PDE11A: variants seen among roughly 807,000 people sequenced by gnomAD.
PDE11A encodes the protein dual 3',5'-cyclic-AMP and -GMP phosphodiesterase 11A.
PDE11A carries 100 observed loss-of-function variants against 100.5 expected under a neutral mutation model. The ratio of observed to expected loss-of-function variants is 1.00; its 90% confidence interval spans 0.85 to 1.18. The LOEUF (loss-of-function observed/expected upper bound fraction) is 1.18, where lower values mean the gene tolerates loss of function less well. Among genes scored for constraint, PDE11A ranks in the 50% most tolerant of loss-of-function variants. The pLI is 0.00. For missense variants in PDE11A, 1,141 were observed against 1,152.6 expected (o/e 0.99, Z 0.15); for synonymous variants, 381 against 420.8 (o/e 0.91, Z 1.16).
chr2:178,030,236 A>G (rs2086528218), intron 1 of PDE11A, among the ~76,000 whole-genome samples: 1 of 152,224 alleles, frequency 6.6e-6, no homozygotes, highest in African/African-American at 2.4e-5. Flanking sequence ...TGCTACAAAG[A>G]TTAAACAAAT....
chr2:177,959,054 T>C (rs532909529), intron 2 of PDE11A, among the ~76,000 whole-genome samples: 1 of 152,254 alleles, frequency 6.6e-6, no homozygotes, highest in South Asian at 2.1e-4. Context: ...ACTACGCTGC[T>C]ATAAGAAAAG....
chr2:177,917,879 A>G (rs1324695308), intron 2 of PDE11A, among the ~76,000 whole-genome samples: 2 of 152,216 alleles, frequency 1.3e-5, no homozygotes, highest in African/African-American at 4.8e-5. Flanking sequence ...TTCCAGTAAT[A>G]TTCTCCAGTG....
At chr2:177,663,009 T>C (rs993021567) in intron 19 of PDE11A, among the ~76,000 whole-genome samples, 1 of 152,220 alleles carries the variant, frequency 6.6e-6, no homozygotes, top group Non-Finnish European at 1.5e-5. Flanking sequence ...TTTCCCTGCA[T>C]GTTTCTCACT....
intron 19 of PDE11A, among the ~76,000 whole-genome samples, chr2:177,636,369 A>C (rs1487911773): frequency 1.3e-5 from 2 of 152,168 alleles, no homozygotes; most frequent in African/African-American, 4.8e-5. Context: ...TCTCTGAAAG[A>C]AACTCCCCAA....
rs555027305 is a variant in PDE11A, at chr2:177,628,094, T to G, written c.*1313A>C. On this transcript the variant is annotated 3_prime_UTR_variant, in exon 20 of 20. Coordinates refer to ENST00000286063, the MANE Select transcript of PDE11A (RefSeq NM_016953.4). ...TTTTTGACGTTTTATATGTTGGGGA[T>G]TCATTGAAAGATTTATTTGAACAAA... 1 of 152,496 alleles carries G rather than the reference T, an allele frequency of 6.6e-6. No homozygotes were observed. Among genetic ancestry groups the G allele is most frequent in the African/African-American group, 2.4e-5 (1 of 41,576 alleles). The allele number at this position is 152,496 out of a possible 1,614,324, so 9.4% of individuals were successfully genotyped here.
chr2:177,776,447 C>A (rs1421644004), intron 9 of PDE11A, among the ~76,000 whole-genome samples: 3 of 152,172 alleles, frequency 2.0e-5, no homozygotes, highest in Non-Finnish European at 4.4e-5. Flanking sequence ...AATGACATTT[C>A]TTCCAAAATA....
intron 2 of PDE11A, among the ~76,000 whole-genome samples, chr2:178,087,964 T>G (rs1482832965): frequency 6.6e-6 from 1 of 152,016 alleles, no homozygotes; most frequent in Admixed American, 6.6e-5. Context: ...AAATAAAATA[T>G]ATTCGAAAAT....
rs1008590544 is a variant in PDE11A, at chr2:177,745,914, T to G, written c.1789-17742A>C. Among the ~76,000 whole-genome samples, 3 of 152,224 alleles carry G rather than the reference T, an allele frequency of 2.0e-5. No homozygotes were observed. In the South Asian group the frequency reaches 6.2e-4, roughly 32 times the overall value. ...GCCCAAGAGGTCCTCTGCTGAAGTC[T>G]CCATAGAGGTTGATAACCACCTGCC... is the stretch of plus-strand genomic sequence containing the variant. On this transcript the variant is annotated intron_variant, in intron 10 of 19. Transcript: ENST00000286063.
At chr2:177,675,850 G>A (rs553123633) in intron 16 of PDE11A, 26 of 408,576 alleles carry the variant, frequency 6.4e-5, no homozygotes, top group African/African-American at 5.2e-4. Context: ...ATGTTGTTGG[G>A]TTTTTTTAAA....
intron 9 of PDE11A, among the ~76,000 whole-genome samples, chr2:177,774,024 T>C (rs2082347061): frequency 6.6e-6 from 1 of 152,192 alleles, no homozygotes; most frequent in Non-Finnish European, 1.5e-5. Context: ...TTCAGAAAGA[T>C]GGTGGTGCTT....
chr2:177,659,283 A>AAAG (rs2080440061), intron 19 of PDE11A, among the ~76,000 whole-genome samples: 1 of 151,600 alleles, frequency 6.6e-6, no homozygotes, highest in Non-Finnish European at 1.5e-5. Flanking sequence ...AAAAAAAAAA[A>AAAG]AAAAAGTGAA....
rs529056336 is a variant in PDE11A at position 177,653,876 on chromosome 2, T to C, written c.2646+9990A>G. ...AAACTAACATATCCACCCTTGGCTG[T>C]TCCTAACTCCTGAGCCTCTCAGGCA... On this transcript the variant is annotated intron_variant, in intron 19 of 19. Coordinates refer to ENST00000286063, the MANE Select transcript of PDE11A (RefSeq NM_016953.4). 3.3e-5 allele frequency among the ~76,000 whole-genome samples: 5 copies of C among 152,300 alleles called. No individual in the cohort carries two copies. In the South Asian group the frequency reaches 1.0e-3, roughly 32 times the overall value.
chr2:178,025,594 C>A (rs1224717833), intron 1 of PDE11A, among the ~76,000 whole-genome samples: 1 of 151,976 alleles, frequency 6.6e-6, no homozygotes, highest in Non-Finnish European at 1.5e-5. Flanking sequence ...AAAATGAAGA[C>A]CCACACCACA....
intron 6 of PDE11A, among the ~76,000 whole-genome samples, chr2:177,832,534 T>C (rs1305648542): frequency 6.6e-6 from 1 of 151,024 alleles, no homozygotes. Flanking sequence ...TATGAGTTAA[T>C]ACTCCTTAAT....
intron 2 of PDE11A, among the ~76,000 whole-genome samples, chr2:177,907,772 C>T (rs1221106493): frequency 6.6e-6 from 1 of 152,192 alleles, no homozygotes; most frequent in African/African-American, 2.4e-5. Context: ...AGAGGTCAGG[C>T]AGGCTCACCG....
intron 1 of PDE11A, chr2:178,018,239 T>C (rs1574344876): frequency 2.4e-6 from 1 of 412,546 alleles, no homozygotes; most frequent in East Asian, 6.1e-5. Flanking sequence ...GCTGCTGCTT[T>C]GAATCCTTGC....
intron 5 of PDE11A, among the ~76,000 whole-genome samples, chr2:177,855,010 G>A (rs868377103): frequency 1.3e-5 from 2 of 152,190 alleles, no homozygotes; most frequent in South Asian, 2.1e-4. Context: ...ACGACAGGTC[G>A]TGGTAGTGAT....
intron 1 of PDE11A, among the ~76,000 whole-genome samples, chr2:178,047,171 A>G (rs1475916857): frequency 6.6e-6 from 1 of 152,044 alleles, no homozygotes; most frequent in African/African-American, 2.4e-5. Context: ...TCTTCTAGAT[A>G]TCACCCAAGG....
At chr2:177,732,511 T>C (rs1363897827) in intron 10 of PDE11A, among the ~76,000 whole-genome samples, 1 of 152,178 alleles carries the variant, frequency 6.6e-6, no homozygotes, top group Admixed American at 6.5e-5. Context: ...GCAGAAATGG[T>C]GATAGAGGCA....
Sources: gnomAD v4.1 joint callset for allele counts (sites outside exome capture counted in the v4.1 genomes callset) on GRCh38, gnomAD v4.1.1 for gene constraint, MANE v1.5 for transcripts, NCBI Gene and HGNC (gene_info 2026-07-23, HGNC 2026-07-21) for gene names.